The following GRIN1 variants were observed in gnomAD, a reference collection of about 807,000 sequenced individuals.
GRIN1 encodes glutamate ionotropic receptor NMDA type subunit 1, also known as glutamate receptor ionotropic, NMDA 1.
A neutral mutation model predicts 103.0 loss-of-function variants in GRIN1; 38 were observed. The observed-to-expected ratio is 0.37, with a 90% confidence interval of 0.28 to 0.48. The LOEUF is 0.48. Among genes scored for constraint, GRIN1 ranks in the 20% least tolerant of loss-of-function variants. The pLI is 0.98. For missense variants in GRIN1, 577 were observed against 1,288.9 expected, an observed-to-expected ratio of 0.45 and a Z score of 8.46; for synonymous variants, 544 against 532.7, an observed-to-expected ratio of 1.02 and a Z score of -0.29.
chr9:137,165,662 C>T (rs1040521717), intron 19 of GRIN1, among the ~76,000 whole-genome samples: 4 of 152,220 alleles, frequency 2.6e-5, no homozygotes, highest in Non-Finnish European at 4.4e-5. Flanking sequence ...ATCCTGGACT[C>T]CTCAGCTGCC....
intron 10 of GRIN1, 63 bp from the exon 11 acceptor site, chr9:137,161,861 G>A: frequency 6.6e-7 from 1 of 1,522,518 alleles, no homozygotes; most frequent in East Asian, 2.4e-5. Flanking sequence ...TTCAGTCGGG[G>A]GTACCTGTGG....
intron 4 of GRIN1, among the ~76,000 whole-genome samples, chr9:137,155,570 C>T (rs1189191723): frequency 6.6e-6 from 1 of 151,464 alleles, no homozygotes; most frequent in Admixed American, 6.6e-5. Flanking sequence ...GGCAATCCAC[C>T]CAACCCTGCT....
rs768704257 is a variant in GRIN1, at chr9:137,162,431, C to CGAG, written c.1794_1796dup (p.Glu598dup). 3.7e-6 allele frequency: 6 copies of CGAG among 1,607,764 alleles called. No individual in the cohort carries two copies. Among genetic ancestry groups the CGAG allele is most frequent in the South Asian group, 1.1e-5 (1 of 91,042 alleles). ...CCTTCGGCCGGTTCAAGGTGAACAG[C>CGAG]GAGGAGGAGGAGGAGGACGCACTGA... On this transcript the variant is annotated inframe_insertion, in exon 13 of 20. Transcript: ENST00000371561.
chr9:137,152,927 A>G (rs895713009), intron 4 of GRIN1, among the ~76,000 whole-genome samples: 6 of 151,962 alleles, frequency 3.9e-5, no homozygotes, highest in Middle Eastern at 3.2e-3. Context: ...CATGCCATAT[A>G]CACACCACAT....
intron 19 of GRIN1, 53 bp downstream of exon 19, chr9:137,165,349 C>A: frequency 9.1e-7 from 1 of 1,099,390 alleles, no homozygotes; most frequent in Non-Finnish European, 1.4e-6. Flanking sequence ...CCCTGCCCTG[C>A]GTGTGTCTCC....
intron 1 of GRIN1, among the ~76,000 whole-genome samples, chr9:137,141,443 C>T (rs1031061268): frequency 2.0e-5 from 3 of 152,200 alleles, no homozygotes; most frequent in Non-Finnish European, 4.4e-5. Context: ...GAGGATGAGG[C>T]CAGCACTCAA....
Position 137,163,268 on chromosome 9 carries a change from C to A in GRIN1, c.2271C>A (p.Gly757=), listed in dbSNP as rs777511816. 6.2e-7 allele frequency: 1 copy of A among 1,613,810 alleles called. No homozygotes were observed. The highest frequency in any genetic ancestry group is 1.7e-5 in the Admixed American group (1 of 60,032). The change falls in exon 16 of 20, where the codon GGC becomes GGA. Residue 757 remains glycine (G), a synonymous_variant. Coordinates refer to ENST00000371561, the MANE Select transcript of GRIN1 (RefSeq NM_007327.4). ...CTGGAGAGCTGTTTTTCCGCTCGGG[C>A]TTCGGCATAGGCATGCGCAAAGACA... ...VTTGELFFRS[G]FGIGMRKDSP...
intron 3 of GRIN1, chr9:137,148,014 G>C (rs1020223705): frequency 5.2e-6 from 3 of 575,976 alleles, no homozygotes; most frequent in Non-Finnish European, 9.1e-6. Context: ...CCCGGGCCTC[G>C]GTGTTTGCGA....
intron 10 of GRIN1, 98 bp from the exon 11 acceptor site, chr9:137,161,826 G>A: frequency 8.0e-7 from 1 of 1,248,172 alleles, no homozygotes; most frequent in South Asian, 1.3e-5. Context: ...TTGGGGAGAA[G>A]ACCCCCGGAG....
chr9:137,149,245 C>T (rs1335274688), intron 4 of GRIN1, 136 bp downstream of exon 4: 2 of 697,618 alleles, frequency 2.9e-6, no homozygotes, highest in East Asian at 5.4e-5. Flanking sequence ...AGGACAGCCA[C>T]CCCCACCCCC....
rs1210728412 is a variant in GRIN1, at chr9:137,163,544, T to A, written c.2334-15T>A. The A allele has an allele frequency of 6.3e-7, 1 of 1,582,594 alleles. No homozygotes were observed. Among genetic ancestry groups the A allele is most frequent in the East Asian group, 2.2e-5 (1 of 44,692 alleles). On this transcript the variant is annotated splice_polypyrimidine_tract_variant and intron_variant, in intron 16 of 19. Coordinates refer to ENST00000371561, the MANE Select transcript of GRIN1 (RefSeq NM_007327.4). Reference sequence around the variant, plus strand: ...GGCCCCGCCTCACTGCAGGCTCACTTGTTCCCACCGCCAGGTCCCACGAGA... The same window carrying A: ...GGCCCCGCCTCACTGCAGGCTCACTAGTTCCCACCGCCAGGTCCCACGAGA...
At chr9:137,162,335 G>A in intron 12 of GRIN1, 45 bp downstream of exon 12, 17 of 1,551,280 alleles carry the variant, frequency 1.1e-5, no homozygotes, top group Non-Finnish European at 1.5e-5. Flanking sequence ...GCGGGGCGCG[G>A]AGCCGGCCAG....
At chr9:137,158,164 C>T (rs1833341322) in intron 6 of GRIN1, among the ~76,000 whole-genome samples, 1 of 152,246 alleles carries the variant, frequency 6.6e-6, no homozygotes, top group Non-Finnish European at 1.5e-5. Flanking sequence ...CCATCTGGTG[C>T]AGGCAGATAC....
intron 6 of GRIN1, 52 bp from the exon 7 acceptor site, chr9:137,158,327 G>A (rs1481767090): frequency 1.3e-6 from 2 of 1,593,712 alleles, no homozygotes; most frequent in Non-Finnish European, 1.7e-6. Context: ...GAGCAGGGAG[G>A]AGCAGGAGAA....
rs150205617 is a variant in GRIN1 at position 137,159,627 on chromosome 9, C to T, written c.1197+923C>T. On this transcript the variant is annotated intron_variant, in intron 8 of 19. Coordinates refer to ENST00000371561, the MANE Select transcript of GRIN1 (RefSeq NM_007327.4). The stretch of plus-strand genomic sequence containing the variant: ...AACGCTAATGGCCAAAAGGCCCCAT[C>T]TAGGCTGTGAGATGGAGATGGCTTT... Among the ~76,000 whole-genome samples the T allele has an allele frequency of 6.5e-3, 987 of 152,374 alleles. 52 individuals are homozygous for T. The South Asian group carries it at 0.12, about 19-fold the overall frequency.
chr9:137,153,567 A>G (rs1026457679), intron 4 of GRIN1, among the ~76,000 whole-genome samples: 11 of 151,948 alleles, frequency 7.2e-5, no homozygotes, highest in African/African-American at 2.7e-4. Flanking sequence ...TACACCATAC[A>G]CACGTGCATC....
At chr9:137,148,203 C>T (rs1414926446) in intron 3 of GRIN1, 4 of 1,545,380 alleles carry the variant, frequency 2.6e-6, no homozygotes, top group Non-Finnish European at 2.6e-6. Flanking sequence ...TGACAACAAG[C>T]GCGGACCCAA....
intron 19 of GRIN1, among the ~76,000 whole-genome samples, chr9:137,166,485 G>C (rs959774977): frequency 6.6e-6 from 1 of 152,246 alleles, no homozygotes. Flanking sequence ...GCTTACGCCC[G>C]GGGGAGGAAG....
intron 4 of GRIN1, among the ~76,000 whole-genome samples, chr9:137,156,319 T>C (rs900104665): frequency 6.6e-6 from 1 of 151,894 alleles, no homozygotes; most frequent in African/African-American, 2.4e-5. Context: ...GTCAGTCCCA[T>C]AAGCCAGGTA....
Sources: gnomAD v4.1 joint callset for allele counts (sites outside exome capture counted in the v4.1 genomes callset) on GRCh38, gnomAD v4.1.1 for gene constraint, MANE v1.5 for transcripts, NCBI Gene and HGNC (gene_info 2026-07-23, HGNC 2026-07-21) for gene names.